Variants in KCNG3 observed in about 807,000 individuals in gnomAD.
The protein encoded by KCNG3 is voltage-gated potassium channel regulatory subunit KCNG3.
In KCNG3, 15 loss-of-function variants were observed where a neutral mutation model predicts 29.0. The ratio of observed to expected loss-of-function variants is 0.52; its 90% CI spans 0.35 to 0.80. The LOEUF is 0.80. KCNG3 is among the 30% of genes least tolerant of loss of function. The pLI, the probability that KCNG3 is intolerant of heterozygous loss-of-function variation, is 0.01. For missense variants in KCNG3, 512 were observed against 605.7 expected, an observed-to-expected ratio of 0.85 and a Z score of 1.62; for synonymous variants, 322 against 248.9, an observed-to-expected ratio of 1.29 and a Z score of -2.76.
chr2:42,405,694 G>A, the KCNG3 span, among the ~76,000 whole-genome samples: 6 of 151,992 alleles, frequency 3.9e-5, no homozygotes, highest in East Asian at 7.7e-4. Context: ...TGAAAGCTCC[G>A]CCTCCCGGGT....
chr2:42,429,054 G>A, the KCNG3 span, among the ~76,000 whole-genome samples: 3 of 152,140 alleles, frequency 2.0e-5, no homozygotes. Flanking sequence ...AGGAGGGGGA[G>A]GTTGCGGTGA....
the KCNG3 span, among the ~76,000 whole-genome samples, chr2:42,398,774 G>C: frequency 6.6e-6 from 1 of 152,160 alleles, no homozygotes; most frequent in Non-Finnish European, 1.5e-5. Flanking sequence ...TAAGAGGACA[G>C]ACCTTCACAA....
At chr2:42,450,317 C>T (rs1342612355) in intron 1 of KCNG3, among the ~76,000 whole-genome samples, 1 of 152,164 alleles carries the variant, frequency 6.6e-6, no homozygotes, top group Non-Finnish European at 1.5e-5. Flanking sequence ...AGGGATGAAT[C>T]AGTGAGAAAC....
chr2:42,478,410 T>C (rs551919117), intron 1 of KCNG3, among the ~76,000 whole-genome samples: 1 of 151,772 alleles, frequency 6.6e-6, no homozygotes, highest in East Asian at 1.9e-4. Flanking sequence ...TTTTCTTAAT[T>C]TGTAGAGAAG....
At chr2:42,402,631 A>G in the KCNG3 span, among the ~76,000 whole-genome samples, 7 of 152,282 alleles carry the variant, frequency 4.6e-5, no homozygotes, top group Non-Finnish European at 8.8e-5. Flanking sequence ...TAGAAAGTCA[A>G]TTTTCCTATT....
rs116018120 is a variant in KCNG3, at chr2:42,478,872, A to G, written c.665+13965T>C. On this transcript the variant is annotated intron_variant, in intron 1 of 1. Transcript: ENST00000306078. ...ATATAAAATCATAAACTTTTAATACATTACTAAAACAGCTGTCCCTGATTT... is the reference window on the plus strand; with the variant it reads ...ATATAAAATCATAAACTTTTAATACGTTACTAAAACAGCTGTCCCTGATTT... Among the ~76,000 whole-genome samples, 985 of 152,062 alleles carry G rather than the reference A, an allele frequency of 6.5e-3. 9 individuals carry two copies. Among genetic ancestry groups the G allele is most frequent in the African/African-American group, 0.023 (945 of 41,460 alleles).
rs375643888 is a variant in KCNG3, at chr2:42,492,838, C to G, written c.664G>C (p.Gly222Arg). 4.6e-5 allele frequency: 68 copies of G among 1,493,662 alleles called. No individual in the cohort carries two copies. The highest frequency in any genetic ancestry group is 5.5e-5 in the Non-Finnish European group (62 of 1,125,450). 92.5% of individuals were successfully genotyped at this position (1,493,662 alleles called of 1,614,324 possible). ...YSAGPGREPS[G>R]IIEAICIGWF... is the part of the protein sequence containing the mutation. ...GGGTAGAGAAGCAGTGCGTCCTACC[C>G]GGAGGGCTCCCTCCCAGGGCCGGCG... is the stretch of plus-strand genomic sequence containing the variant. The change falls in exon 1 of 2, where the codon GGG becomes CGG. Residue 222 changes from glycine (G) to arginine (R), a missense_variant and splice_region_variant. This residue lies in a region of KCNG3 where 228 missense variants were observed against 200.0 expected (regional missense o/e 1.14). Transcript: ENST00000306078.
chr2:42,434,156 G>A, the KCNG3 span, among the ~76,000 whole-genome samples: 4 of 152,006 alleles, frequency 2.6e-5, no homozygotes, highest in African/African-American at 9.7e-5. Flanking sequence ...AATTCATATA[G>A]TAATACAAGG....
intron 1 of KCNG3, chr2:42,463,360 G>C: frequency 6.2e-6 from 1 of 161,144 alleles, no homozygotes; most frequent in Non-Finnish European, 1.3e-5. Context: ...TGAAGTGAGT[G>C]TTACTGTTTC....
chr2:42,421,391 C>T, the KCNG3 span, among the ~76,000 whole-genome samples: 6 of 151,994 alleles, frequency 3.9e-5, no homozygotes, highest in African/African-American at 1.5e-4. Flanking sequence ...TCAACAAGTC[C>T]CCAAGAAAGG....
At chr2:42,456,739 T>C (rs1453258357) in intron 1 of KCNG3, among the ~76,000 whole-genome samples, 2 of 152,142 alleles carry the variant, frequency 1.3e-5, no homozygotes, top group Non-Finnish European at 2.9e-5. Flanking sequence ...AAAGTTACCT[T>C]CTTACTCCAA....
At chr2:42,472,903 AT>A (rs1553330072) in intron 1 of KCNG3, among the ~76,000 whole-genome samples, 5,522 of 131,388 alleles carry the variant, frequency 0.042, 181 homozygotes, top group African/African-American at 0.11. Context: ...ATATATATAT[AT>A]TTTTTTTTTT....
At chr2:42,425,063 C>G in the KCNG3 span, 99 of 152,368 alleles carry the variant, frequency 6.5e-4, no homozygotes, top group African/African-American at 2.2e-3. Context: ...GGGCCTGCTT[C>G]CTGGGGATGC....
At chr2:42,415,017 T>C in the KCNG3 span, among the ~76,000 whole-genome samples, 3 of 152,216 alleles carry the variant, frequency 2.0e-5, no homozygotes, top group Non-Finnish European at 4.4e-5. Context: ...TAAATTCTCC[T>C]GTTTGTTGGA....
the KCNG3 span, among the ~76,000 whole-genome samples, chr2:42,432,207 C>G: frequency 6.6e-6 from 1 of 152,162 alleles, no homozygotes; most frequent in Non-Finnish European, 1.5e-5. Flanking sequence ...TAGGCAAATG[C>G]TCCTGTTTTG....
At chr2:42,398,479 A>T in the KCNG3 span, among the ~76,000 whole-genome samples, 1 of 152,166 alleles carries the variant, frequency 6.6e-6, no homozygotes, top group Non-Finnish European at 1.5e-5. Flanking sequence ...GTTTTGAGAC[A>T]TACGCATTAT....
chr2:42,439,730 T>C (rs756097258), downstream of KCNG3, among the ~76,000 whole-genome samples: 1 of 151,576 alleles, frequency 6.6e-6, no homozygotes, highest in African/African-American at 2.4e-5. Flanking sequence ...CACTGCAACC[T>C]CTGCCTCCCT....
the KCNG3 span, among the ~76,000 whole-genome samples, chr2:42,392,575 A>C: frequency 6.6e-6 from 1 of 152,126 alleles, no homozygotes; most frequent in Non-Finnish European, 1.5e-5. Flanking sequence ...ATTATGGCCA[A>C]AGAGAAGGCT....
At chr2:42,408,407 C>A in the KCNG3 span, among the ~76,000 whole-genome samples, 18 of 152,240 alleles carry the variant, frequency 1.2e-4, no homozygotes, top group African/African-American at 3.9e-4. Context: ...CCTCAGAGGC[C>A]CATAAAAGCC....
Sources: gnomAD v4.1 joint callset for allele counts (sites outside exome capture counted in the v4.1 genomes callset) on GRCh38, gnomAD v4.1.1 for gene constraint, gnomAD v4.1.1 regional missense constraint, MANE v1.5 for transcripts, NCBI Gene and HGNC (gene_info 2026-07-23, HGNC 2026-07-21) for gene names.